Variants in CHCHD6 observed in about 807,000 individuals in gnomAD.
The protein encoded by CHCHD6 is MICOS complex subunit MIC25.
Under a neutral mutation model 32.3 loss-of-function variants are expected in CHCHD6, and 28 were observed. The observed-to-expected ratio is 0.87, with a 90% CI of 0.64 to 1.19. The LOEUF (loss-of-function observed/expected upper bound fraction) is 1.19, where lower values mean the gene tolerates loss of function less well. CHCHD6 is among the 50% of genes most tolerant of loss of function. The probability of loss-of-function intolerance (pLI) is 0.00; values close to 1 mark genes in which losing one functional copy is unlikely to be tolerated. For missense variants in CHCHD6, 333 were observed against 307.0 expected (o/e 1.08, Z -0.63); for synonymous variants, 122 against 117.5 (o/e 1.04, Z -0.25).
In CHCHD6 at chr3:126,914,709, G is replaced by T; in HGVS notation, c.525G>T (p.Glu175Asp). The T allele has an allele frequency of 6.3e-7, 1 of 1,598,210 alleles. No homozygotes were observed. The highest frequency in any genetic ancestry group is 1.1e-5 in the South Asian group (1 of 90,742). ...CTGAGATGTATAAACTGTCTTCAGA[G>T]CAATTCCATGAGGCAGCCTCAAAGA... Reference protein sequence around the residue: ...KNAEMYKLSSEQFHEAASKME... With the variant: ...KNAEMYKLSSDQFHEAASKME... The change falls in exon 6 of 8, where the codon GAG becomes GAT. Residue 175 changes from glutamate (E) to aspartate (D), a missense_variant. Transcript: ENST00000290913.
intron 1 of CHCHD6, among the ~76,000 whole-genome samples, chr3:126,721,170 G>A (rs1180887662): frequency 2.6e-5 from 4 of 152,162 alleles, no homozygotes; most frequent in Admixed American, 2.0e-4. Flanking sequence ...CGCAGGCCGT[G>A]GTGATGTTTC....
chr3:126,790,128 C>A (rs1360841249), intron 4 of CHCHD6, among the ~76,000 whole-genome samples: 3 of 152,042 alleles, frequency 2.0e-5, no homozygotes, highest in Non-Finnish European at 4.4e-5. Flanking sequence ...AAATTCTTTT[C>A]TTTAAGAATG....
intron 5 of CHCHD6, among the ~76,000 whole-genome samples, chr3:126,905,929 A>G (rs1160584707): frequency 6.6e-6 from 1 of 152,134 alleles, no homozygotes; most frequent in Non-Finnish European, 1.5e-5. Context: ...CCAAGAGACG[A>G]GGGCATGTAA....
chr3:126,957,804 G>T, intron 7 of CHCHD6: 1 of 570,780 alleles, frequency 1.8e-6, no homozygotes, highest in Non-Finnish European at 3.2e-6. Context: ...CTATTAGGCT[G>T]GGTGGGAGCA....
At chr3:126,948,959 TG>T (rs2078677107) in intron 6 of CHCHD6, among the ~76,000 whole-genome samples, 1 of 152,234 alleles carries the variant, frequency 6.6e-6, no homozygotes, top group African/African-American at 2.4e-5. Context: ...CTGGCTCATG[TG>T]GGCCAAACCC....
At chr3:126,845,688 C>A (rs1269740889) in intron 4 of CHCHD6, among the ~76,000 whole-genome samples, 1 of 152,020 alleles carries the variant, frequency 6.6e-6, no homozygotes, top group East Asian at 1.9e-4. Context: ...ATTTATAATG[C>A]CTTGTTTTCA....
intron 6 of CHCHD6, among the ~76,000 whole-genome samples, chr3:126,921,640 GTTA>G (rs2078249388): frequency 6.6e-6 from 1 of 152,190 alleles, no homozygotes; most frequent in Admixed American, 6.5e-5. Context: ...AAGGAAGAAG[GTTA>G]TTAACTATTT....
At chr3:126,725,525 T>C (rs967584567) in intron 1 of CHCHD6, among the ~76,000 whole-genome samples, 2 of 152,228 alleles carry the variant, frequency 1.3e-5, no homozygotes, top group African/African-American at 4.8e-5. Context: ...TAAATGAACA[T>C]TGGCTTCCAT....
At chr3:126,851,101 G>A (rs774085245) in intron 4 of CHCHD6, among the ~76,000 whole-genome samples, 11 of 152,186 alleles carry the variant, frequency 7.2e-5, no homozygotes, top group African/African-American at 9.6e-5. Context: ...TGATAGAGCC[G>A]ATGTTAGAAC....
intron 4 of CHCHD6, among the ~76,000 whole-genome samples, chr3:126,734,587 G>A (rs1340403729): frequency 6.6e-6 from 1 of 152,218 alleles, no homozygotes; most frequent in Non-Finnish European, 1.5e-5. Context: ...AACAATGTAG[G>A]ATCCTAGCCC....
chr3:126,719,964 T>A (rs1016021351), intron 1 of CHCHD6, among the ~76,000 whole-genome samples: 5 of 151,730 alleles, frequency 3.3e-5, no homozygotes, highest in African/African-American at 7.3e-5. Flanking sequence ...TACTGCAACC[T>A]CCACCTCCTG....
chr3:126,946,025 C>T (rs568851958), intron 6 of CHCHD6, among the ~76,000 whole-genome samples: 3 of 152,164 alleles, frequency 2.0e-5, no homozygotes, highest in South Asian at 2.1e-4. Flanking sequence ...GGGAAGGTCA[C>T]GTCATAGGAT....
chr3:126,920,705 A>C (rs967063210), intron 6 of CHCHD6, among the ~76,000 whole-genome samples: 2 of 152,208 alleles, frequency 1.3e-5, no homozygotes, highest in African/African-American at 4.8e-5. Context: ...GGCAGCCTCC[A>C]CAGGAGCGTT....
At chr3:126,732,585 A>G (rs944879882) in intron 3 of CHCHD6, among the ~76,000 whole-genome samples, 21 of 152,222 alleles carry the variant, frequency 1.4e-4, no homozygotes, top group Non-Finnish European at 2.5e-4. Flanking sequence ...AATAAATAAT[A>G]CTGTTAAGAG....
At chr3:126,825,994 T>C (rs1407320142) in intron 4 of CHCHD6, among the ~76,000 whole-genome samples, 1 of 152,252 alleles carries the variant, frequency 6.6e-6, no homozygotes, top group East Asian at 1.9e-4. Context: ...TAGTGTTCTA[T>C]CATCCCACAG....
chr3:126,714,076 CAAAAAAAA>C (rs1157910763), intron 1 of CHCHD6, among the ~76,000 whole-genome samples: 6 of 28,880 alleles, frequency 2.1e-4, no homozygotes, highest in African/African-American at 7.4e-4. Flanking sequence ...GACTGCATCT[CAAAAAAAA>C]AAAAAAAAAA....
intron 5 of CHCHD6, among the ~76,000 whole-genome samples, chr3:126,906,268 C>G (rs1005116041): frequency 6.6e-6 from 1 of 152,244 alleles, no homozygotes; most frequent in African/African-American, 2.4e-5. Context: ...CTCTGGGCCA[C>G]TGCAGCATCC....
intron 4 of CHCHD6, among the ~76,000 whole-genome samples, chr3:126,827,453 GGT>G (rs1940445843): frequency 6.6e-6 from 1 of 152,180 alleles, no homozygotes; most frequent in Non-Finnish European, 1.5e-5. Context: ...AGGTTGCCTT[GGT>G]GGAGGGAAGG....
intron 4 of CHCHD6, among the ~76,000 whole-genome samples, chr3:126,836,874 T>C (rs1331336631): frequency 2.0e-5 from 3 of 152,192 alleles, no homozygotes; most frequent in Admixed American, 2.0e-4. Flanking sequence ...AGGTAAGGAC[T>C]GTTGGACGCC....
Sources: allele counts gnomAD v4.1 joint callset (sites outside exome capture counted in the v4.1 genomes callset), GRCh38; gene constraint gnomAD v4.1.1; transcripts MANE v1.5; gene names NCBI Gene and HGNC (gene_info 2026-07-23, HGNC 2026-07-21).